Variants in COL5A1 observed in about 807,000 individuals in gnomAD.
The protein encoded by COL5A1 is collagen type V alpha 1 chain, also known as collagen alpha-1(V) chain.
Under a neutral mutation model 263.7 loss-of-function variants are expected in COL5A1, and 16 were observed. The observed-to-expected ratio is 0.06, with a 90% CI of 0.04 to 0.09. The LOEUF (loss-of-function observed/expected upper bound fraction) is 0.09. Ranked by LOEUF, COL5A1 falls within the 10% of genes least tolerant of loss-of-function variation. The probability of loss-of-function intolerance (pLI) is 1.00; values close to 1 mark genes in which losing one functional copy is unlikely to be tolerated. For synonymous variants in COL5A1, 1,012 were observed against 1,004.5 expected (o/e 1.01, Z -0.14); for missense variants, 2,036 against 2,540.5 (o/e 0.80, Z 4.27).
At chr9:134,724,804 G>A (rs1373007736) in intron 4 of COL5A1, among the ~76,000 whole-genome samples, 1 of 152,190 alleles carries the variant, frequency 6.6e-6, no homozygotes, top group Non-Finnish European at 1.5e-5. Flanking sequence ...GGCCCAGAGA[G>A]GGGCCTCGGC....
chr9:134,646,162 C>T (rs1831468272), intron 1 of COL5A1, among the ~76,000 whole-genome samples: 1 of 152,186 alleles, frequency 6.6e-6, no homozygotes. Flanking sequence ...TGGGTCGGGC[C>T]TATCTTGGGG....
chr9:134,811,229 A>G, intron 44 of COL5A1, 110 bp from the exon 45 acceptor site: 3 of 948,254 alleles, frequency 3.2e-6, no homozygotes, highest in South Asian at 2.6e-5. Flanking sequence ...TGGAGACTGA[A>G]CTGACGACGT....
Position 134,821,686 on chromosome 9 carries a change from C to T in COL5A1, c.4555-411C>T, listed in dbSNP as rs893692291. 5.3e-5 allele frequency among the ~76,000 whole-genome samples: 8 copies of T among 152,324 alleles called. No individual in the cohort carries two copies. The highest frequency in any genetic ancestry group is 3.9e-4 in the East Asian group (2 of 5,178). On this transcript the variant is annotated intron_variant, in intron 58 of 65. Coordinates refer to ENST00000371817, the MANE Select transcript of COL5A1 (RefSeq NM_000093.5). This position sits in a 1 kb window ranked among gnomAD's most constrained non-coding sequence, Gnocchi z 4.2. ...GATGGGACTCCCTGCCCAACCCCTC[C>T]GGGCTTAGTTCTAGAGGGGAGACTA...
At chr9:134,838,814 G>A (rs1296905758) in intron 65 of COL5A1, among the ~76,000 whole-genome samples, 3 of 152,238 alleles carry the variant, frequency 2.0e-5, no homozygotes, top group Non-Finnish European at 4.4e-5. Context: ...CAGATGGCAG[G>A]GGCAGGCTCT....
chr9:134,739,435 C>CTGGCT (rs1422995766), intron 11 of COL5A1, among the ~76,000 whole-genome samples: 1 of 152,232 alleles, frequency 6.6e-6, no homozygotes, highest in African/African-American at 2.4e-5. Context: ...TCCTGGACAG[C>CTGGCT]TGGCTTGTGG....
At chr9:134,764,294 T>G in intron 20 of COL5A1, among the ~76,000 whole-genome samples, 1 of 82,918 alleles carries the variant, frequency 1.2e-5, no homozygotes, top group Non-Finnish European at 2.3e-5. Context: ...GGGAGAAGCA[T>G]GGGAGGTCTG....
rs145282735 is a variant in COL5A1 at position 134,673,941 on chromosome 9, G to A, written c.110-16971G>A. On this transcript the variant is annotated intron_variant, in intron 1 of 65. Transcript: ENST00000371817. ...ATGTTCCAGAAAAGAAGACAGAGGC[G>A]TGCCAACATGCATCTGAAAAGATGT... Among the ~76,000 whole-genome samples, 554 of 152,282 alleles carry A rather than the reference G, an allele frequency of 3.6e-3. 2 individuals carry two copies. The highest frequency in any genetic ancestry group is 0.01 in the Middle Eastern group (3 of 294).
At chr9:134,759,716 C>T (rs1484559848) in intron 18 of COL5A1, among the ~76,000 whole-genome samples, 4 of 97,528 alleles carry the variant, frequency 4.1e-5, no homozygotes, top group Non-Finnish European at 7.8e-5. Context: ...GCACACACCC[C>T]CCCACCCCCA....
chr9:134,793,036 G>A (rs557890128), intron 32 of COL5A1, among the ~76,000 whole-genome samples: 20 of 152,206 alleles, frequency 1.3e-4, no homozygotes, highest in African/African-American at 4.8e-4. Context: ...CTTGACTATG[G>A]GCCAGACGTG....
chr9:134,799,305 G>A (rs1418357916), intron 37 of COL5A1, among the ~76,000 whole-genome samples: 1 of 152,238 alleles, frequency 6.6e-6, no homozygotes, highest in Non-Finnish European at 1.5e-5. Context: ...AGGAAAGGGT[G>A]CAGGCACGCC....
rs968842187 is a variant in COL5A1 at position 134,697,028 on chromosome 9, G to A, written c.278-2881G>A. Among the ~76,000 whole-genome samples the A allele has an allele frequency of 3.0e-4, 45 of 151,718 alleles. No individual in the cohort carries two copies. In the East Asian group the frequency reaches 5.5e-3, roughly 18 times the overall value. On this transcript the variant is annotated intron_variant, in intron 2 of 65. Transcript: ENST00000371817. ...GGAGCTTGCAGTGAGCTGAGATCAC[G>A]CCACTGCACTCCAGCCTGGGCAACA...
rs773101608 is a variant in COL5A1 at position 134,708,678 on chromosome 9, T to C, written c.654+7345T>C. The C allele has an allele frequency of 6.2e-5, 32 of 518,372 alleles. No individual in the cohort carries two copies. In the Middle Eastern group the frequency reaches 9.5e-4, roughly 15 times the overall value. 32.1% of individuals were successfully genotyped at this position (518,372 alleles called of 1,614,324 possible). ...TTGTCGTGTCTTCAGCTCTGCCTGC[T>C]TTGCTGAGACCTCCTCTTGCCCCTG... is the stretch of plus-strand genomic sequence containing the variant. On this transcript the variant is annotated intron_variant, in intron 4 of 65. Transcript: ENST00000371817.
chr9:134,669,358 C>CTACA (rs1832470145), intron 1 of COL5A1, among the ~76,000 whole-genome samples: 1 of 144,712 alleles, frequency 6.9e-6, no homozygotes, highest in African/African-American at 2.5e-5. Context: ...ATCCCTTCTT[C>CTACA]CATCCATTCA....
At chr9:134,760,970 A>G (rs115996621) in intron 18 of COL5A1, among the ~76,000 whole-genome samples, 2,755 of 146,832 alleles carry the variant, frequency 0.019, 85 homozygotes, top group African/African-American at 0.068. Flanking sequence ...ACATACACAC[A>G]TGTATACCAC....
intron 65 of COL5A1, among the ~76,000 whole-genome samples, chr9:134,837,366 G>A (rs931798615): frequency 2.0e-5 from 3 of 152,084 alleles, no homozygotes; most frequent in African/African-American, 4.8e-5. Flanking sequence ...ATGCTAGAAA[G>A]ATGGATCCCA....
rs769470285 is a variant in COL5A1, at chr9:134,815,600, C to A, written c.4039C>A (p.Pro1347Thr). 1.9e-6 allele frequency: 3 copies of A among 1,613,636 alleles called. No homozygotes were observed. In the African/African-American group the frequency reaches 4.0e-5, roughly 22 times the overall value. ...GGGCCCAGTGGGTTTTCCTGGAGATCCTGGCCCCCCCGGAGAGCCTGGCCC... is the reference window on the plus strand; with the variant it reads ...GGGCCCAGTGGGTTTTCCTGGAGATACTGGCCCCCCCGGAGAGCCTGGCCC... ...SPGPVGFPGD[P>T]GPPGEPGPAG... Residue 1347 changes from proline (P) to threonine (T), a missense_variant, in exon 51 of 66, where the codon CCT becomes ACT. By Grantham distance (38) the Pro-to-Thr change is conservative. Around this residue, in one of 3 missense-constraint regions of COL5A1, gnomAD observed 1,078 missense variants for 1,521.4 expected, o/e 0.71. Coordinates refer to ENST00000371817, the MANE Select transcript of COL5A1 (RefSeq NM_000093.5).
intron 4 of COL5A1, chr9:134,709,310 G>T (rs1833950389): frequency 1.5e-5 from 3 of 197,354 alleles, no homozygotes; most frequent in South Asian, 7.1e-5. Context: ...TGGCTGAGGA[G>T]GGGTGGGGGG....
intron 11 of COL5A1, among the ~76,000 whole-genome samples, chr9:134,750,332 C>T (rs1228947807): frequency 6.6e-6 from 1 of 152,226 alleles, no homozygotes; most frequent in Non-Finnish European, 1.5e-5. Flanking sequence ...TCCCTCCCTC[C>T]AAAGCCTTTC....
rs551695730 is a variant in COL5A1 at position 134,813,994 on chromosome 9, C to T, written c.3864C>T (p.Gly1288=). The T allele has an allele frequency of 5.3e-5, 82 of 1,550,996 alleles. No individual in the cohort carries two copies. Among genetic ancestry groups the T allele is most frequent in the South Asian group, 2.5e-4 (21 of 84,072 alleles). The change falls in exon 49 of 66, where the codon GGC becomes GGT. Residue 1288 remains glycine, a synonymous_variant. Coordinates refer to ENST00000371817, the MANE Select transcript of COL5A1 (RefSeq NM_000093.5). The stretch of plus-strand genomic sequence containing the variant: ...CACTGTCTCCCTAGGGCGAGCCTGG[C>T]GAAGCAGGTGAGCCTGGCCTTCCGG... ...PGAVGEKGEP[G]EAGEPGLPGE...
Sources: gnomAD v4.1 joint callset for allele counts (sites outside exome capture counted in the v4.1 genomes callset) on GRCh38, gnomAD v4.1.1 for gene constraint, gnomAD v4.1.1 regional missense constraint, Gnocchi (gnomAD v3.1) non-coding constraint, MANE v1.5 for transcripts, NCBI Gene and HGNC (gene_info 2026-07-23, HGNC 2026-07-21) for gene names.